NINL: variants seen among roughly 807,000 people sequenced by gnomAD.
NINL encodes the protein ninein-like protein.
Under a neutral mutation model 160.3 loss-of-function variants are expected in NINL, and 153 were observed. The ratio of observed to expected loss-of-function variants is 0.95; its 90% CI spans 0.84 to 1.09. The LOEUF is 1.09. Among genes scored for constraint, NINL ranks in the 50% least tolerant of loss-of-function variants. NINL has a pLI of 0.00. For missense variants in NINL, 1,829 were observed against 1,764.0 expected (o/e 1.04, Z -0.66); for synonymous variants, 800 against 734.8 (o/e 1.09, Z -1.43).
chr20:25,519,989 C>CA (rs59160061), intron 2 of NINL, among the ~76,000 whole-genome samples: 717 of 12,114 alleles, frequency 0.059, 257 homozygotes, highest in Non-Finnish European at 0.074. Flanking sequence ...GACCCCGTCT[C>CA]AAAAAAAAAA....
At chr20:25,466,172 G>A (rs1434768143) in intron 19 of NINL, among the ~76,000 whole-genome samples, 1 of 151,974 alleles carries the variant, frequency 6.6e-6, no homozygotes, top group Non-Finnish European at 1.5e-5. Flanking sequence ...TAGGCACATG[G>A]CAGCATACTC....
At chr20:25,580,666 C>T (rs1165413945) in intron 1 of NINL, among the ~76,000 whole-genome samples, 2 of 152,214 alleles carry the variant, frequency 1.3e-5, no homozygotes, top group Non-Finnish European at 2.9e-5. Context: ...AAATACAAGC[C>T]ATGCTCTAAA....
intron 18 of NINL, among the ~76,000 whole-genome samples, chr20:25,468,904 T>C (rs1423415092): frequency 6.8e-4 from 78 of 114,712 alleles, no homozygotes; most frequent in African/African-American, 2.6e-3. Flanking sequence ...TCCTGTCCCT[T>C]GACTCTCACT....
chr20:25,496,865 G>A lies in NINL; in HGVS notation c.1170-62C>T, dbSNP rs563770118. 177 of 1,592,948 alleles carry A rather than the reference G, an allele frequency of 1.1e-4. 1 individual carries two copies. The South Asian group carries it at 1.9e-3, about 17-fold the overall frequency. On this transcript the variant is annotated intron_variant, in intron 9 of 23. Coordinates refer to ENST00000278886, the MANE Select transcript of NINL (RefSeq NM_025176.6). The stretch of plus-strand genomic sequence containing the variant: ...ACTGCTGGCCTGACCCGCCATGCCA[G>A]GTGGCTCTGGGCCCCATATCTGCAT...
intron 5 of NINL, among the ~76,000 whole-genome samples, chr20:25,506,081 G>T (rs1416653979): frequency 3.3e-5 from 5 of 152,162 alleles, no homozygotes; most frequent in Non-Finnish European, 7.3e-5. Flanking sequence ...GGCCAAATTG[G>T]TGAAACCCCG....
intron 1 of NINL, among the ~76,000 whole-genome samples, chr20:25,549,955 G>A (rs777646165): frequency 5.3e-5 from 8 of 152,184 alleles, no homozygotes; most frequent in Non-Finnish European, 1.2e-4. Context: ...CCACAAGAAT[G>A]AAATAAAGTG....
chr20:25,549,444 C>T (rs1388334473), intron 1 of NINL, among the ~76,000 whole-genome samples: 1 of 152,266 alleles, frequency 6.6e-6, no homozygotes, highest in Non-Finnish European at 1.5e-5. Flanking sequence ...CCACACCCAG[C>T]CTCATCCAGA....
intron 13 of NINL, among the ~76,000 whole-genome samples, chr20:25,488,513 C>A (rs999752320): frequency 6.6e-6 from 1 of 151,982 alleles, no homozygotes; most frequent in Non-Finnish European, 1.5e-5. Context: ...TGTGAGCCAC[C>A]GCACCCGGCC....
At chr20:25,560,480 A>G (rs1197704744) in intron 1 of NINL, among the ~76,000 whole-genome samples, 3 of 152,190 alleles carry the variant, frequency 2.0e-5, no homozygotes, top group East Asian at 1.9e-4. Flanking sequence ...TGGCCCTAAT[A>G]TATCTGTGCC....
chr20:25,540,601 C>T (rs971498129), intron 1 of NINL, among the ~76,000 whole-genome samples: 42 of 152,306 alleles, frequency 2.8e-4, no homozygotes, highest in African/African-American at 1.0e-3. Context: ...GGAAGCCATT[C>T]CCAACAAGGA....
chr20:25,489,768 T>C (rs759268383), intron 12 of NINL, 107 bp downstream of exon 12: 5 of 823,132 alleles, frequency 6.1e-6, no homozygotes, highest in Non-Finnish European at 1.0e-5. Context: ...TTTAGGAGAA[T>C]ACCGCATTCT....
intron 1 of NINL, among the ~76,000 whole-genome samples, chr20:25,574,651 A>T (rs2065094450): frequency 6.6e-6 from 1 of 152,130 alleles, no homozygotes; most frequent in African/African-American, 2.4e-5. Context: ...GTGGCTAAAT[A>T]TCAGGTTTCT....
chr20:25,455,421 C>A (rs2090643482), intron 23 of NINL, among the ~76,000 whole-genome samples: 3 of 152,158 alleles, frequency 2.0e-5, no homozygotes, highest in African/African-American at 4.8e-5. Flanking sequence ...CTTGGGGATG[C>A]CTGAATGACT....
chr20:25,533,248 G>A (rs116805343), intron 1 of NINL, among the ~76,000 whole-genome samples: 142 of 152,264 alleles, frequency 9.3e-4, no homozygotes, highest in African/African-American at 3.2e-3. Context: ...GATGCCAGGC[G>A]GATGTGGGAG....
chr20:25,480,019 A>G, intron 15 of NINL, 142 bp downstream of exon 15: 1 of 650,162 alleles, frequency 1.5e-6, no homozygotes, highest in East Asian at 2.7e-5. Flanking sequence ...ATTTCTCTAC[A>G]AACTTTCCTC....
chr20:25,464,098 T>C (rs1258294015), intron 19 of NINL, among the ~76,000 whole-genome samples: 1 of 152,228 alleles, frequency 6.6e-6, no homozygotes, highest in African/African-American at 2.4e-5. Context: ...GTGGATTTTC[T>C]TCTATTCACC....
intron 1 of NINL, among the ~76,000 whole-genome samples, chr20:25,565,442 C>T (rs2064989228): frequency 6.6e-6 from 1 of 152,058 alleles, no homozygotes; most frequent in South Asian, 2.1e-4. Flanking sequence ...GGGAGGAAGA[C>T]AGGCAGGCAG....
At chr20:25,493,083 C>T (rs201150854) in intron 10 of NINL, among the ~76,000 whole-genome samples, 1 of 152,160 alleles carries the variant, frequency 6.6e-6, no homozygotes, top group Admixed American at 6.5e-5. Context: ...TGTTTCCAAT[C>T]CTCTAACCCT....
At chr20:25,541,592 C>T (rs2064663244) in intron 1 of NINL, among the ~76,000 whole-genome samples, 1 of 152,144 alleles carries the variant, frequency 6.6e-6, no homozygotes, top group African/African-American at 2.4e-5. Context: ...TATATAATTA[C>T]AAAATATCCA....
Sources: allele counts gnomAD v4.1 joint callset (sites outside exome capture counted in the v4.1 genomes callset), GRCh38; gene constraint gnomAD v4.1.1; transcripts MANE v1.5; gene names NCBI Gene and HGNC (gene_info 2026-07-23, HGNC 2026-07-21).